The following RGS7 variants were observed in gnomAD, a reference collection of about 807,000 sequenced individuals.
RGS7 encodes regulator of G-protein signaling 7.
A neutral mutation model predicts 81.1 loss-of-function variants in RGS7; 27 were observed. The observed-to-expected ratio is 0.33, with a 90% CI of 0.25 to 0.46. The LOEUF (loss-of-function observed/expected upper bound fraction) is 0.46. Ranked by LOEUF, RGS7 falls within the 20% of genes least tolerant of loss-of-function variation. The probability of loss-of-function intolerance (pLI) is 1.00; values close to 1 mark genes in which losing one functional copy is unlikely to be tolerated. For missense variants in RGS7, 396 were observed against 607.4 expected, an observed-to-expected ratio of 0.65 and a Z score of 3.66; for synonymous variants, 208 against 207.7, an observed-to-expected ratio of 1.00 and a Z score of -0.01.
intron 5 of RGS7, among the ~76,000 whole-genome samples, chr1:240,932,937 G>A (rs1217337930): frequency 1.9e-4 from 23 of 118,834 alleles, no homozygotes; most frequent in Non-Finnish European, 3.4e-4. Flanking sequence ...AGGCTGGACT[G>A]CAGTGGCGCG....
At chr1:241,334,840 A>T (rs2082157739) in intron 2 of RGS7, among the ~76,000 whole-genome samples, 1 of 138,616 alleles carries the variant, frequency 7.2e-6, no homozygotes. Flanking sequence ...TTCAAGAATC[A>T]TTAATTGTGT....
At chr1:240,792,830 G>T (rs1007649385) in intron 18 of RGS7, among the ~76,000 whole-genome samples, 2 of 152,088 alleles carry the variant, frequency 1.3e-5, no homozygotes. Flanking sequence ...TATGAGCAGA[G>T]GCTTTGTCTT....
intron 2 of RGS7, among the ~76,000 whole-genome samples, chr1:241,135,202 A>C (rs376183019): frequency 8.5e-4 from 129 of 152,260 alleles, no homozygotes; most frequent in African/African-American, 3.0e-3. Flanking sequence ...CAAGACGGGC[A>C]GATCACGAGG....
chr1:241,282,290 G>T (rs1292335597), intron 2 of RGS7, among the ~76,000 whole-genome samples: 1 of 152,146 alleles, frequency 6.6e-6, no homozygotes. Flanking sequence ...TTAGGATAAT[G>T]GCCTCCAGCT....
intron 3 of RGS7, among the ~76,000 whole-genome samples, chr1:240,990,299 T>A (rs769821198): frequency 7.2e-5 from 11 of 152,036 alleles, no homozygotes; most frequent in Non-Finnish European, 1.6e-4. Context: ...TAAAAAAAAA[T>A]GCAGAAAAGA....
At chr1:241,208,878 G>A (rs1386674404) in intron 2 of RGS7, among the ~76,000 whole-genome samples, 1 of 152,190 alleles carries the variant, frequency 6.6e-6, no homozygotes, top group Non-Finnish European at 1.5e-5. Context: ...GAGAATGCTT[G>A]ACTGTTTTAA....
At chr1:241,201,410 C>T (rs1158163255) in intron 2 of RGS7, among the ~76,000 whole-genome samples, 1 of 152,152 alleles carries the variant, frequency 6.6e-6, no homozygotes, top group Admixed American at 6.5e-5. Context: ...AGGACGGTTC[C>T]TTTCCAGAAC....
intron 10 of RGS7, among the ~76,000 whole-genome samples, chr1:240,821,656 T>C (rs1691833177): frequency 6.6e-6 from 1 of 152,196 alleles, no homozygotes; most frequent in Non-Finnish European, 1.5e-5. Flanking sequence ...CAGAAACAGC[T>C]AGAACCACTG....
intron 2 of RGS7, among the ~76,000 whole-genome samples, chr1:241,217,958 T>A (rs191148663): frequency 4.6e-4 from 70 of 152,322 alleles, no homozygotes; most frequent in Non-Finnish European, 6.5e-4. Flanking sequence ...TCTTTCTAGA[T>A]CTTGAAGCAT....
chr1:241,049,519 C>A (rs2061135638), intron 3 of RGS7, among the ~76,000 whole-genome samples: 1 of 152,208 alleles, frequency 6.6e-6, no homozygotes, highest in South Asian at 2.1e-4. Context: ...GACTTTGCTA[C>A]AGTGGGTAGT....
At chr1:241,106,757 C>CACAA in intron 2 of RGS7, among the ~76,000 whole-genome samples, 1 of 131,064 alleles carries the variant, frequency 7.6e-6, no homozygotes, top group Non-Finnish European at 1.6e-5. Flanking sequence ...CACCACCACA[C>CACAA]ACACACACAC....
Position 240,860,896 on chromosome 1 carries a change from C to T in RGS7, c.609+7691G>A, listed in dbSNP as rs139480992. Among the ~76,000 whole-genome samples, 251 of 152,280 alleles carry T rather than the reference C, an allele frequency of 1.6e-3. 1 individual carries two copies. The highest frequency in any genetic ancestry group is 5.5e-3 in the African/African-American group (230 of 41,576). Reference sequence around the variant, plus strand: ...TCCATCTGAATGTCATGTCATCACACTCAGCATGCCCTAAAACAAACTCAC... The same window carrying T: ...TCCATCTGAATGTCATGTCATCACATTCAGCATGCCCTAAAACAAACTCAC... On this transcript the variant is annotated intron_variant, in intron 9 of 18. Transcript: ENST00000440928.
intron 3 of RGS7, among the ~76,000 whole-genome samples, chr1:241,043,013 T>C (rs1020743803): frequency 1.3e-4 from 20 of 152,026 alleles, no homozygotes; most frequent in Admixed American, 5.9e-4. Context: ...TATTACTTTA[T>C]ATTGTATGGT....
At chr1:240,922,890 A>G (rs1673812450) in intron 6 of RGS7, among the ~76,000 whole-genome samples, 1 of 152,138 alleles carries the variant, frequency 6.6e-6, no homozygotes, top group Non-Finnish European at 1.5e-5. Flanking sequence ...TATGTCTTCA[A>G]AAAAATTCTG....
At chr1:240,871,873 C>T (rs553824761) in intron 6 of RGS7, among the ~76,000 whole-genome samples, 1 of 152,272 alleles carries the variant, frequency 6.6e-6, no homozygotes, top group Admixed American at 6.5e-5. Flanking sequence ...CCCAGCTATG[C>T]CCTCCATCAG....
chr1:241,185,143 A>C (rs1351036073), intron 2 of RGS7, among the ~76,000 whole-genome samples: 3 of 152,194 alleles, frequency 2.0e-5, no homozygotes, highest in Non-Finnish European at 4.4e-5. Context: ...AACTTTGAGA[A>C]CCACTAGTCA....
chr1:241,320,548 CA>C (rs1705357604), intron 2 of RGS7, among the ~76,000 whole-genome samples: 1 of 152,318 alleles, frequency 6.6e-6, no homozygotes, highest in Admixed American at 6.5e-5. Context: ...GTAGTAAAAA[CA>C]AACTAGGTGT....
At chr1:240,942,945 G>A (rs1037082407) in intron 4 of RGS7, among the ~76,000 whole-genome samples, 12 of 152,142 alleles carry the variant, frequency 7.9e-5, no homozygotes, top group African/African-American at 2.9e-4. Context: ...AATTTCTGAA[G>A]TAAGTTTATT....
At chr1:241,047,473 T>C (rs1050015534) in intron 3 of RGS7, among the ~76,000 whole-genome samples, 3 of 152,188 alleles carry the variant, frequency 2.0e-5, no homozygotes, top group African/African-American at 4.8e-5. Flanking sequence ...CGTTTAAACA[T>C]GCTTTTATGA....
Sources: gnomAD v4.1 joint callset for allele counts (sites outside exome capture counted in the v4.1 genomes callset) on GRCh38, gnomAD v4.1.1 for gene constraint, MANE v1.5 for transcripts, NCBI Gene and HGNC (gene_info 2026-07-23, HGNC 2026-07-21) for gene names.